The following ZNRF1 variants were observed in gnomAD, a reference collection of about 807,000 sequenced individuals.
ZNRF1 encodes the protein E3 ubiquitin-protein ligase ZNRF1.
A neutral mutation model predicts 18.4 loss-of-function variants in ZNRF1; 3 were observed. The ratio of observed to expected loss-of-function variants is 0.16; its 90% confidence interval spans 0.07 to 0.42. ZNRF1 has a LOEUF of 0.42. ZNRF1 is among the 10% of genes least tolerant of loss of function. The probability of loss-of-function intolerance (pLI) is 0.99; values close to 1 mark genes in which losing one functional copy is unlikely to be tolerated. For missense variants in ZNRF1, 310 were observed against 329.8 expected (o/e 0.94, Z 0.47); for synonymous variants, 157 against 144.2 (o/e 1.09, Z -0.64).
chr16:75,088,868 G>A (rs763225896), intron 1 of ZNRF1, among the ~76,000 whole-genome samples: 2 of 152,182 alleles, frequency 1.3e-5, no homozygotes, highest in African/African-American at 2.4e-5. Flanking sequence ...GTGCTGCAGA[G>A]GTTAAAGAGA....
chr16:75,045,292 C>T (rs2035500954), intron 1 of ZNRF1, among the ~76,000 whole-genome samples: 1 of 152,178 alleles, frequency 6.6e-6, no homozygotes, highest in Admixed American at 6.5e-5. Context: ...ATGAACTCTG[C>T]CTGCCCTTTT....
chr16:75,056,866 A>G (rs2035674017), intron 1 of ZNRF1, among the ~76,000 whole-genome samples: 4 of 152,038 alleles, frequency 2.6e-5, no homozygotes, highest in Admixed American at 6.6e-5. Flanking sequence ...TGAACTCCTG[A>G]CCTCATGTGA....
intron 2 of ZNRF1, chr16:75,104,237 A>G (rs1000486565): frequency 6.6e-5 from 10 of 152,404 alleles, no homozygotes; most frequent in Admixed American, 2.6e-4. Context: ...GTGTGGATAC[A>G]TCATCTTTTG....
chr16:75,051,268 C>T (rs967382078), intron 1 of ZNRF1, among the ~76,000 whole-genome samples: 4 of 151,916 alleles, frequency 2.6e-5, no homozygotes, highest in Non-Finnish European at 5.9e-5. Context: ...AGTGCAGTGG[C>T]ACAATCTCAG....
At chr16:75,004,549 A>G (rs745355912) in intron 1 of ZNRF1, among the ~76,000 whole-genome samples, 4 of 152,350 alleles carry the variant, frequency 2.6e-5, no homozygotes, top group Admixed American at 1.3e-4. Context: ...CAGAAAGTCT[A>G]AACTGTTCTT....
Position 75,016,699 on chromosome 16 carries a change from CT to C in ZNRF1, c.424+16624del, listed in dbSNP as rs35899706. Among the ~76,000 whole-genome samples the C allele has an allele frequency of 4.1e-3, 406 of 99,490 alleles. 1 individual carries two copies. Among genetic ancestry groups the C allele is most frequent in the African/African-American group, 0.014 (329 of 23,414 alleles). 65.3% of individuals were successfully genotyped at this position (99,490 alleles called of 152,430 possible). A position where few individuals can be genotyped will look rare whatever the true frequency, so the allele number is the denominator to read the frequency against. On this transcript the variant is annotated intron_variant, in intron 1 of 4. Transcript: ENST00000335325. ...TACAGGCGTCTGTCACCATGCCTGG[CT>C]TTTTTTTTTTTTTTTTTTTGTATGA...
chr16:75,098,295 C>G (rs899263342), intron 2 of ZNRF1, among the ~76,000 whole-genome samples: 1 of 152,210 alleles, frequency 6.6e-6, no homozygotes, highest in Non-Finnish European at 1.5e-5. Flanking sequence ...CAGGTGGCTA[C>G]AGGAAAGAGG....
chr16:75,057,832 G>A (rs899404268), intron 1 of ZNRF1, among the ~76,000 whole-genome samples: 11 of 152,120 alleles, frequency 7.2e-5, no homozygotes, highest in Admixed American at 6.6e-4. Flanking sequence ...GTAGAGATGG[G>A]ATTTTACCAT....
chr16:75,055,970 C>G (rs923801364), intron 1 of ZNRF1, among the ~76,000 whole-genome samples: 1 of 152,178 alleles, frequency 6.6e-6, no homozygotes, highest in African/African-American at 2.4e-5. Flanking sequence ...CAAGCTATCC[C>G]TCAGCTGCTC....
At chr16:75,104,967 C>A in intron 3 of ZNRF1, 78 bp downstream of exon 3, 1 of 1,252,522 alleles carries the variant, frequency 8.0e-7, no homozygotes, top group Non-Finnish European at 1.1e-6. Flanking sequence ...CATTCTGTCT[C>A]CTTTGGTTAT....
rs114497403 is a variant in ZNRF1, at chr16:74,999,637, C to T, written c.-35C>T. 1 of 1,321,924 alleles carries T rather than the reference C, an allele frequency of 7.6e-7. No individual in the cohort carries two copies. Among genetic ancestry groups the T allele is most frequent in the Non-Finnish European group, 9.6e-7 (1 of 1,039,812 alleles). 81.9% of individuals were successfully genotyped at this position (1,321,924 alleles called of 1,614,324 possible). A position where few individuals can be genotyped will look rare whatever the true frequency, so the allele number is the denominator to read the frequency against. On this transcript the variant is annotated 5_prime_UTR_variant, in exon 1 of 5. Coordinates refer to ENST00000335325, the MANE Select transcript of ZNRF1 (RefSeq NM_032268.5). ...CTGAGAAGTGGGGGAGGGTCTCGGC[C>T]TCCAGGTTCCCGCCCCACCGGGGCC...
chr16:75,042,104 G>GT (rs1298449020), intron 1 of ZNRF1, among the ~76,000 whole-genome samples: 2 of 152,090 alleles, frequency 1.3e-5, no homozygotes, highest in Non-Finnish European at 2.9e-5. Flanking sequence ...AAATTGAGTT[G>GT]TTTGTCAGTG....
chr16:75,101,612 G>C (rs1304952220), intron 2 of ZNRF1, among the ~76,000 whole-genome samples: 1 of 151,982 alleles, frequency 6.6e-6, no homozygotes, highest in Non-Finnish European at 1.5e-5. Flanking sequence ...CAGTGTACTA[G>C]ACCCGTTTAT....
chr16:75,045,695 C>T (rs1453932005), intron 1 of ZNRF1, among the ~76,000 whole-genome samples: 3 of 150,688 alleles, frequency 2.0e-5, no homozygotes, highest in Non-Finnish European at 4.4e-5. Flanking sequence ...CTAACTTGCT[C>T]AGCTGAATCT....
chr16:75,004,650 G>A (rs1303868575), intron 1 of ZNRF1, among the ~76,000 whole-genome samples: 1 of 152,148 alleles, frequency 6.6e-6, no homozygotes, highest in Non-Finnish European at 1.5e-5. Context: ...GTCTTGCTCT[G>A]TTGCCCAGGC....
intron 1 of ZNRF1, among the ~76,000 whole-genome samples, chr16:75,007,456 C>T (rs1228916326): frequency 6.6e-6 from 1 of 150,822 alleles, no homozygotes; most frequent in Admixed American, 6.6e-5. Context: ...ACACAGCTTT[C>T]CTCTGTTGGG....
intron 2 of ZNRF1, 130 bp from the exon 3 acceptor site, chr16:75,104,654 G>T (rs1483368142): frequency 2.0e-5 from 14 of 685,358 alleles, no homozygotes; most frequent in Non-Finnish European, 3.0e-5. Context: ...TTGGGGTTCT[G>T]TGTCCCCTGC....
chr16:75,003,701 C>CA (rs1212799444), intron 1 of ZNRF1, among the ~76,000 whole-genome samples: 1 of 152,194 alleles, frequency 6.6e-6, no homozygotes, highest in Non-Finnish European at 1.5e-5. Context: ...GCCTACGAGT[C>CA]AGAGTGCTAG....
chr16:75,053,718 G>A (rs1277973208), intron 1 of ZNRF1, among the ~76,000 whole-genome samples: 1 of 151,870 alleles, frequency 6.6e-6, no homozygotes, highest in Non-Finnish European at 1.5e-5. Flanking sequence ...TATTAAATAA[G>A]CAGAGTGGAC....
Sources: allele counts gnomAD v4.1 joint callset (sites outside exome capture counted in the v4.1 genomes callset), GRCh38; gene constraint gnomAD v4.1.1; transcripts MANE v1.5; gene names NCBI Gene and HGNC (gene_info 2026-07-23, HGNC 2026-07-21).